The following FOXP1 variants were observed in gnomAD, a reference collection of about 807,000 sequenced individuals.
The protein encoded by FOXP1 is forkhead box protein P1.
Under a neutral mutation model 98.2 loss-of-function variants are expected in FOXP1, and 15 were observed. The observed-to-expected ratio is 0.15, with a 90% CI of 0.10 to 0.24. The LOEUF (loss-of-function observed/expected upper bound fraction) is 0.24. FOXP1 is among the 10% of genes least tolerant of loss of function. The pLI, the probability that FOXP1 is intolerant of heterozygous loss-of-function variation, is 1.00. For synonymous variants in FOXP1, 371 were observed against 314.5 expected (o/e 1.18, Z -1.90); for missense variants, 633 against 848.5 (o/e 0.75, Z 3.15).
At chr3:71,451,722 A>G (rs1442733637) in intron 3 of FOXP1, among the ~76,000 whole-genome samples, 1 of 152,262 alleles carries the variant, frequency 6.6e-6, no homozygotes, top group Admixed American at 6.5e-5. Flanking sequence ...TATTTTCAAC[A>G]CTGGGACAAA....
At chr3:71,415,758 G>A (rs2083165725) in intron 3 of FOXP1, among the ~76,000 whole-genome samples, 1 of 147,944 alleles carries the variant, frequency 6.8e-6, no homozygotes, top group Admixed American at 6.8e-5. Flanking sequence ...GTCTTTGACT[G>A]TAAAATAGTC....
chr3:71,162,987 G>T (rs2108154571), intron 6 of FOXP1, among the ~76,000 whole-genome samples: 1 of 152,220 alleles, frequency 6.6e-6, no homozygotes, highest in South Asian at 2.1e-4. Context: ...GCAACAGAAA[G>T]AAACTGAAAA....
At chr3:71,225,309 C>T (rs991330559) in intron 5 of FOXP1, among the ~76,000 whole-genome samples, 1 of 152,190 alleles carries the variant, frequency 6.6e-6, no homozygotes, top group Non-Finnish European at 1.5e-5. Flanking sequence ...TATTTAATAC[C>T]TCTTACTTCA....
At chr3:71,359,444 G>A (rs2078397332) in intron 3 of FOXP1, among the ~76,000 whole-genome samples, 200 bp from the exon 4 acceptor site, 1 of 152,148 alleles carries the variant, frequency 6.6e-6, no homozygotes. Context: ...TGAATTACAG[G>A]AGGAGGATGC....
At chr3:71,309,500 T>C (rs1055957404) in intron 4 of FOXP1, among the ~76,000 whole-genome samples, 37 of 152,048 alleles carry the variant, frequency 2.4e-4, no homozygotes, top group African/African-American at 8.7e-4. Flanking sequence ...GGCAAAATTC[T>C]GCAACTGCTT....
intron 4 of FOXP1, among the ~76,000 whole-genome samples, chr3:71,314,145 G>C (rs879701179): frequency 1.3e-4 from 20 of 152,320 alleles, no homozygotes; most frequent in Non-Finnish European, 2.6e-4. Flanking sequence ...TCAAAGAAAT[G>C]ATGGCTGCCG....
rs148286144 is a variant in FOXP1 at position 71,224,249 on chromosome 3, T to G, written c.-11-25857A>C. 4.9e-4 allele frequency among the ~76,000 whole-genome samples: 74 copies of G among 152,300 alleles called. 2 individuals carry two copies. The East Asian group carries it at 0.013, about 27-fold the overall frequency. On this transcript the variant is annotated intron_variant, in intron 5 of 20. Transcript: ENST00000649528. The stretch of plus-strand genomic sequence containing the variant: ...ATGAGCCCATGAGGGATTGCTCAGT[T>G]ACGTCTAGGATGCAGAACTGCATAC...
chr3:71,446,986 AG>A (rs1369071254), intron 3 of FOXP1, among the ~76,000 whole-genome samples: 4 of 152,250 alleles, frequency 2.6e-5, no homozygotes, highest in African/African-American at 9.6e-5. Context: ...CTCAAACACT[AG>A]GGAGTGGGTG....
At chr3:71,566,052 C>T (rs1042159241) in intron 2 of FOXP1, among the ~76,000 whole-genome samples, 1 of 152,184 alleles carries the variant, frequency 6.6e-6, no homozygotes, top group African/African-American at 2.4e-5. Context: ...GTATAATCTC[C>T]CAAAAGCGCA....
intron 5 of FOXP1, among the ~76,000 whole-genome samples, chr3:71,275,290 T>C (rs1004753975): frequency 6.6e-6 from 1 of 152,176 alleles, no homozygotes; most frequent in Non-Finnish European, 1.5e-5. Flanking sequence ...GACCATAATT[T>C]AGCAATTCCC....
At chr3:71,062,017 T>G (rs905421953) in intron 7 of FOXP1, among the ~76,000 whole-genome samples, 5 of 152,160 alleles carry the variant, frequency 3.3e-5, no homozygotes, top group Admixed American at 1.3e-4. Flanking sequence ...TGTGTGGAGG[T>G]TGGCTGAAAA....
chr3:71,088,019 G>A (rs577915399), intron 7 of FOXP1, among the ~76,000 whole-genome samples: 29 of 152,340 alleles, frequency 1.9e-4, no homozygotes, highest in African/African-American at 7.0e-4. Flanking sequence ...TGTTTTCAGA[G>A]AAGGCTAAGC....
At chr3:71,129,535 A>T (rs771152569) in intron 6 of FOXP1, among the ~76,000 whole-genome samples, 18 of 152,182 alleles carry the variant, frequency 1.2e-4, no homozygotes, top group Non-Finnish European at 2.1e-4. Flanking sequence ...TTCTCTTAAG[A>T]TCAAAAGAGC....
chr3:71,332,871 A>G (rs549843113), intron 4 of FOXP1: 1 of 152,372 alleles, frequency 6.6e-6, no homozygotes, highest in Non-Finnish European at 1.5e-5. Flanking sequence ...GAGGGCGGCA[A>G]TGCAGCAACG....
chr3:71,502,751 C>T (rs934805760), intron 2 of FOXP1, among the ~76,000 whole-genome samples: 1 of 152,150 alleles, frequency 6.6e-6, no homozygotes. Context: ...CCAGTGGGAA[C>T]ATTCTAGAAG....
At chr3:71,182,785 T>C (rs1482433409) in intron 6 of FOXP1, among the ~76,000 whole-genome samples, 1 of 152,068 alleles carries the variant, frequency 6.6e-6, no homozygotes, top group Non-Finnish European at 1.5e-5. Context: ...GCTCAGGTGA[T>C]CTTCCAGCCT....
At chr3:71,046,506 C>T (rs528674855) in intron 10 of FOXP1, among the ~76,000 whole-genome samples, 1 of 152,148 alleles carries the variant, frequency 6.6e-6, no homozygotes, top group East Asian at 1.9e-4. Context: ...GAATTTATCC[C>T]TAGATATTAA....
intron 12 of FOXP1, among the ~76,000 whole-genome samples, chr3:71,013,602 C>T (rs924228328): frequency 1.3e-5 from 2 of 152,132 alleles, no homozygotes; most frequent in African/African-American, 4.8e-5. Context: ...TCAATGCCAT[C>T]GCCATCAAGC....
intron 5 of FOXP1, among the ~76,000 whole-genome samples, chr3:71,214,932 T>A (rs189728248): frequency 1.3e-5 from 2 of 152,194 alleles, no homozygotes; most frequent in African/African-American, 4.8e-5. Flanking sequence ...GTGATCAACC[T>A]GTGCACTGCA....
Sources: allele counts gnomAD v4.1 joint callset (sites outside exome capture counted in the v4.1 genomes callset), GRCh38; gene constraint gnomAD v4.1.1; transcripts MANE v1.5; gene names NCBI Gene and HGNC (gene_info 2026-07-23, HGNC 2026-07-21).